COL6A1: variants seen among roughly 807,000 people sequenced by gnomAD.
The protein encoded by COL6A1 is collagen alpha-1(VI) chain.
Under a neutral mutation model 145.6 loss-of-function variants are expected in COL6A1, and 80 were observed. That is an observed-to-expected ratio of 0.55 (90% CI 0.46 to 0.66). The LOEUF (loss-of-function observed/expected upper bound fraction) is 0.66, where lower values mean the gene tolerates loss of function less well. COL6A1 is among the 30% of genes least tolerant of loss of function. The pLI, the probability that COL6A1 is intolerant of heterozygous loss-of-function variation, is 0.00. For synonymous variants in COL6A1, 638 were observed against 622.8 expected (o/e 1.02, Z -0.36); for missense variants, 1,364 against 1,473.8 (o/e 0.93, Z 1.22).
intron 18 of COL6A1, 97 bp downstream of exon 18, chr21:45,992,495 A>T: frequency 1.4e-6 from 2 of 1,425,858 alleles, no homozygotes; most frequent in Non-Finnish European, 1.9e-6. Flanking sequence ...ACTGAGAGCC[A>T]TGGCCTCCTG....
At chr21:45,999,537 A>C in intron 26 of COL6A1, 120 bp from the exon 27 acceptor site, 1 of 900,994 alleles carries the variant, frequency 1.1e-6, no homozygotes, top group South Asian at 1.4e-5. Context: ...CTGGGTAGGG[A>C]GGGACCGGGC....
intron 20 of COL6A1, among the ~76,000 whole-genome samples, chr21:45,997,135 GCCGGGCGC>G (rs2077809635): frequency 2.0e-5 from 3 of 151,436 alleles, no homozygotes; most frequent in African/African-American, 7.3e-5. Flanking sequence ...TGAGGCACCA[GCCGGGCGC>G]CCACCAAAGT....
rs2123459083 is a variant in COL6A1, at chr21:45,981,865, T to A, written c.15T>A (p.Arg5=). Residue 5 remains arginine, a synonymous_variant, in exon 1 of 35, where the codon CGT becomes CGA. Coordinates refer to ENST00000361866, the MANE Select transcript of COL6A1 (RefSeq NM_001848.3). ...AGGCCCCAGACATGAGGGCGGCCCG[T>A]GCTCTGCTGCCCCTGCTGCTGCAGG... The part of the protein sequence containing the change: MRAA[R]ALLPLLLQAC... 1.9e-6 allele frequency: 3 copies of A among 1,593,004 alleles called. No individual in the cohort carries two copies. The highest frequency in any genetic ancestry group is 2.6e-6 in the Non-Finnish European group (3 of 1,172,150).
chr21:45,987,141 A>G lies in COL6A1; in HGVS notation c.718-14A>G, dbSNP rs1463924175. On this transcript the variant is annotated splice_polypyrimidine_tract_variant and intron_variant, in intron 5 of 34. Transcript: ENST00000361866. ...AGGTGGAAAGTAATTCTGCGTTTCCATTTCTCTTTCCAGAAAAATAACGTG... is the reference window on the plus strand; with the variant it reads ...AGGTGGAAAGTAATTCTGCGTTTCCGTTTCTCTTTCCAGAAAAATAACGTG... The G allele has an allele frequency of 3.8e-6, 6 of 1,596,588 alleles. No individual in the cohort carries two copies. The South Asian group carries it at 4.5e-5, about 12-fold the overall frequency.
chr21:45,986,953 C>A lies in COL6A1; in HGVS notation c.598C>A (p.Leu200Met), dbSNP rs1423217106. 1 of 1,551,194 alleles carries A rather than the reference C, an allele frequency of 6.4e-7. No individual in the cohort carries two copies. Among genetic ancestry groups the A allele is most frequent in the Admixed American group, 1.9e-5 (1 of 52,224 alleles). ...TGAACACTGCCCCCAGGAGCCGCGT[C>A]TGAGCATCATCGCCACGGACCACAC... ...AITPDHLEPR[L>M]SIIATDHTYR... is the part of the protein sequence containing the mutation. The change falls in exon 5 of 35, where the codon CTG (leucine) becomes ATG (methionine). Residue 200 changes from leucine (L) to methionine (M), a missense_variant. Coordinates refer to ENST00000361866, the MANE Select transcript of COL6A1 (RefSeq NM_001848.3).
At chr21:45,983,111 A>G (rs1412489082) in intron 2 of COL6A1, among the ~76,000 whole-genome samples, 10 of 152,242 alleles carry the variant, frequency 6.6e-5, no homozygotes. Flanking sequence ...GCACTGGCCC[A>G]GACACGCAGT....
At position 46,004,789 on chromosome 21, in the gene COL6A1, C is replaced by T. The variant is rs746126866; in HGVS notation, c.*776C>T. The T allele has an allele frequency of 7.4e-5, 30 of 405,424 alleles. No individual in the cohort carries two copies. Among genetic ancestry groups the T allele is most frequent in the Non-Finnish European group, 1.3e-4 (26 of 197,318 alleles). 25.1% of individuals were successfully genotyped at this position (405,424 alleles called of 1,614,324 possible). A position where few individuals can be genotyped will look rare whatever the true frequency, so the allele number is the denominator to read the frequency against. On this transcript the variant is annotated 3_prime_UTR_variant, in exon 35 of 35. Transcript: ENST00000361866. ...GGGCGCTGGCTGCACTCAAGACCCT[C>T]GAGATTAACGGTGCTAACCCCGTCT...
At chr21:45,989,468 G>A (rs961052743) in intron 9 of COL6A1, 140 bp from the exon 10 acceptor site, 8 of 913,562 alleles carry the variant, frequency 8.8e-6, no homozygotes, top group Middle Eastern at 3.3e-4. Context: ...GGAGGGCCTC[G>A]GCACCATGGG....
chr21:46,000,808 G>C, intron 29 of COL6A1, 41 bp downstream of exon 29: 1 of 1,612,264 alleles, frequency 6.2e-7, no homozygotes, highest in South Asian at 1.1e-5. Context: ...TGGATCCCGG[G>C]GGTCGGGGAG....
At chr21:46,000,193 G>T in intron 27 of COL6A1, 138 bp from the exon 28 acceptor site, 1 of 936,200 alleles carries the variant, frequency 1.1e-6, no homozygotes. Flanking sequence ...GCAGAGCCGG[G>T]CACACCTGCA....
intron 11 of COL6A1, among the ~76,000 whole-genome samples, 192 bp from the exon 12 acceptor site, chr21:45,990,051 ACCCTCTGCGGAGCCG>A (rs2077765625): frequency 2.1e-5 from 3 of 141,086 alleles, no homozygotes; most frequent in Non-Finnish European, 3.2e-5. Flanking sequence ...CCGGGCGGTT[ACCCTCTGCGGAGCCG>A]GGGGTCCCCC....
chr21:45,993,302 C>T (rs1251772103), intron 19 of COL6A1, among the ~76,000 whole-genome samples: 1 of 152,228 alleles, frequency 6.6e-6, no homozygotes, highest in Non-Finnish European at 1.5e-5. Flanking sequence ...ACAGCCCAGC[C>T]TCAGGGTGCA....
In COL6A1 at chr21:46,000,838, A is replaced by G. The variant is rs990168567; in HGVS notation, c.1822+71A>G. 5.1e-6 allele frequency: 8 copies of G among 1,579,360 alleles called. No homozygotes were observed. In the African/African-American group the frequency reaches 9.4e-5, roughly 19 times the overall value. Reference sequence around the variant, plus strand: ...GGGGAGCGAGGCCTGGGTCCCACACATGTCACAGGACAGCACATGGCACTC... The same window carrying G: ...GGGGAGCGAGGCCTGGGTCCCACACGTGTCACAGGACAGCACATGGCACTC... On this transcript the variant is annotated intron_variant, in intron 29 of 34. Coordinates refer to ENST00000361866, the MANE Select transcript of COL6A1 (RefSeq NM_001848.3).
At chr21:45,987,552 C>T in intron 7 of COL6A1, 33 bp downstream of exon 7, 2 of 1,612,794 alleles carry the variant, frequency 1.2e-6, no homozygotes, top group Non-Finnish European at 1.7e-6. Flanking sequence ...GACCCCGCGC[C>T]CTGCACCCTG....
Position 45,987,629 on chromosome 21 carries a change from G to A in COL6A1, c.779G>A (p.Gly260Glu). 2 of 1,611,246 alleles carry A rather than the reference G, an allele frequency of 1.2e-6. No individual in the cohort carries two copies. Among genetic ancestry groups the A allele is most frequent in the Non-Finnish European group, 1.7e-6 (2 of 1,179,432 alleles). Reference protein sequence around the residue: ...FECQPARGPPGLRGDPGFEGE... With the variant: ...FECQPARGPPELRGDPGFEGE... ...TTGCAGCCTGCAAGAGGACCTCCGG[G>A]GCTCCGGGGCGACCCCGGCTTTGAG... is the stretch of plus-strand genomic sequence containing the variant. The change falls in exon 8 of 35, where the codon GGG (glycine) becomes GAG (glutamate). Residue 260 changes from glycine to glutamate, a missense_variant. Physicochemically the swap from Gly to Glu is moderately conservative, Grantham distance 98. Coordinates refer to ENST00000361866, the MANE Select transcript of COL6A1 (RefSeq NM_001848.3).
intron 1 of COL6A1, 105 bp downstream of exon 1, chr21:45,982,052 G>C (rs1408886052): frequency 1.1e-6 from 1 of 948,818 alleles, no homozygotes; most frequent in Non-Finnish European, 1.6e-6. Context: ...CAGACTGGGG[G>C]CCTGGAGCCC....
In COL6A1 at chr21:46,003,407, G is replaced by T; in HGVS notation, c.2481G>T (p.Pro827=). ...DYTCPITFSS[P]ADITILLDGS... is the part of the protein sequence containing the mutation. ...GCCCCGCAGTCACGTTCTCCTCCCCGGCTGACATCACCATCCTGCTGGACG... is the reference window on the plus strand; with the variant it reads ...GCCCCGCAGTCACGTTCTCCTCCCCTGCTGACATCACCATCCTGCTGGACG... Residue 827 remains proline (P), a synonymous_variant, in exon 35 of 35, where the codon CCG becomes CCT. Coordinates refer to ENST00000361866, the MANE Select transcript of COL6A1 (RefSeq NM_001848.3). 1.9e-6 allele frequency: 3 copies of T among 1,600,842 alleles called. No individual in the cohort carries two copies. Among genetic ancestry groups the T allele is most frequent in the Non-Finnish European group, 2.5e-6 (3 of 1,179,694 alleles).
In COL6A1 at chr21:46,004,266, C is replaced by A. The variant is rs771790425; in HGVS notation, c.*253C>A. On this transcript the variant is annotated 3_prime_UTR_variant, in exon 35 of 35. Transcript: ENST00000361866. ...CTGAGCTAGTGTCACCTGCACAGGG[C>A]CCTCTGAGGCTCAGCCCTGAGCTGG... The A allele has an allele frequency of 6.9e-6, 4 of 578,508 alleles. No individual in the cohort carries two copies. The highest frequency in any genetic ancestry group is 1.2e-5 in the Non-Finnish European group (4 of 326,570). The allele number at this position is 578,508 out of a possible 1,614,324, so 35.8% of individuals were successfully genotyped here.
Position 45,987,501 on chromosome 21 carries a change from C to A in COL6A1, c.741C>A (p.Cys247Ter), listed in dbSNP as rs1057522053. The change falls in exon 7 of 35, where the codon TGC (cysteine) becomes TGA (stop). Residue 247 changes from cysteine (C) to a stop codon, truncating the protein, a stop_gained and splice_region_variant. Coordinates refer to ENST00000361866, the MANE Select transcript of COL6A1 (RefSeq NM_001848.3). LOFTEE classifies it high-confidence loss of function. Reference sequence around the variant, plus strand: ...GTCTCCATGCTTTCCCCCCACAGTGCTGCTCCTTCGAATGCCAGGTGAGTG... The same window carrying A: ...GTCTCCATGCTTTCCCCCCACAGTGATGCTCCTTCGAATGCCAGGTGAGTG... Reference protein sequence around the residue: ...DMIKNNVEQVCCSFECQPARG... With the variant: ...DMIKNNVEQV The A allele has an allele frequency of 6.2e-7, 1 of 1,613,058 alleles. No homozygotes were observed. Among genetic ancestry groups the A allele is most frequent in the Non-Finnish European group, 8.5e-7 (1 of 1,180,006 alleles).
Sources: allele counts gnomAD v4.1 joint callset (sites outside exome capture counted in the v4.1 genomes callset), GRCh38; gene constraint gnomAD v4.1.1; transcripts MANE v1.5; gene names NCBI Gene and HGNC (gene_info 2026-07-23, HGNC 2026-07-21).